RNASE3: variants seen among roughly 807,000 people sequenced by gnomAD.
RNASE3 encodes the protein eosinophil cationic protein.
For missense variants in RNASE3, 192 were observed against 205.3 expected, an observed-to-expected ratio of 0.94 and a Z score of 0.40; for synonymous variants, 66 against 72.0, an observed-to-expected ratio of 0.92 and a Z score of 0.42.
rs760136393 is a variant in RNASE3, at chr14:20,892,038, C to CAGAATATTTCA, written c.354_364dup (p.Asn122ArgfsTer18). ...CTGTGACCTCATAAATCCAGGTGCACAGAATATTTCAAACTGCACGTATGC... is the reference window on the plus strand; with the variant it reads ...CTGTGACCTCATAAATCCAGGTGCACAGAATATTTCAAGAATATTTCAAACTGCACGTATGC... On this transcript the variant is annotated frameshift_variant, in exon 2 of 2. Transcript: ENST00000304639. LOFTEE classifies it low-confidence loss of function (END_TRUNC). 20 of 1,612,616 alleles carry CAGAATATTTCA rather than the reference C, an allele frequency of 1.2e-5. No homozygotes were observed. The Admixed American group carries it at 3.3e-4, about 27-fold the overall frequency.
At position 20,892,074 on chromosome 14, in the gene RNASE3, G is replaced by A. The variant is rs12147890; in HGVS notation, c.388G>A (p.Gly130Arg). Residue 130 changes from glycine (G) to arginine (R), a missense_variant, in exon 2 of 2, where the codon GGA becomes AGA. Physicochemically the swap from Gly to Arg is moderately radical, Grantham distance 125. Transcript: ENST00000304639. Reference sequence around the variant, plus strand: ...AAACTGCACGTATGCAGACAGACCAGGAAGGAGGTTCTATGTAGTTGCATG... The same window carrying A: ...AAACTGCACGTATGCAGACAGACCAAGAAGGAGGTTCTATGTAGTTGCATG... ...ISNCTYADRPGRRFYVVACDN... is the reference protein window; with the variant it reads ...ISNCTYADRPRRRFYVVACDN... 13 of 1,612,458 alleles carry A rather than the reference G, an allele frequency of 8.1e-6. No homozygotes were observed. The highest frequency in any genetic ancestry group is 1.1e-5 in the Non-Finnish European group (13 of 1,180,002).
In RNASE3 at chr14:20,892,036, C is replaced by A. The variant is rs759866259; in HGVS notation, c.350C>A (p.Ala117Glu). 1.9e-6 allele frequency: 3 copies of A among 1,612,762 alleles called. No homozygotes were observed. The Admixed American group carries it at 5.0e-5, about 27-fold the overall frequency. Residue 117 changes from alanine (A) to glutamate (E), a missense_variant, in exon 2 of 2, where the codon GCA (alanine) becomes GAA (glutamate). Transcript: ENST00000304639. ...LLHCDLINPG[A>E]QNISNCTYAD... is the part of the protein sequence containing the mutation. ...CACTGTGACCTCATAAATCCAGGTG[C>A]ACAGAATATTTCAAACTGCACGTAT...
chr14:20,891,392 C>T lies in RNASE3; in HGVS notation c.-65C>T. On this transcript the variant is annotated 5_prime_UTR_variant, in exon 1 of 2. Coordinates refer to ENST00000304639, the MANE Select transcript of RNASE3 (RefSeq NM_002935.3). Reference sequence around the variant, plus strand: ...TTCCAAGTAGGGGAGACCAGCTGCCCCTGAACCCCAGAACAACCAGCTGGA... The same window carrying T: ...TTCCAAGTAGGGGAGACCAGCTGCCTCTGAACCCCAGAACAACCAGCTGGA... 2.3e-6 allele frequency: 1 copy of T among 441,348 alleles called. No homozygotes were observed. The highest frequency in any genetic ancestry group is 4.0e-6 in the Non-Finnish European group (1 of 250,258). The allele number at this position is 441,348 out of a possible 1,614,324, so 27.3% of individuals were successfully genotyped here. A position where few individuals can be genotyped will look rare whatever the true frequency, so the allele number is the denominator to read the frequency against.
chr14:20,891,910 T>C lies in RNASE3; in HGVS notation c.224T>C (p.Phe75Ser). The change falls in exon 2 of 2, where the codon TTT (phenylalanine) becomes TCT (serine). Residue 75 changes from phenylalanine (F) to serine (S), a missense_variant. Physicochemically the swap from Phe to Ser is radical, Grantham distance 155 (BLOSUM62 -2). Coordinates refer to ENST00000304639, the MANE Select transcript of RNASE3 (RefSeq NM_002935.3). The part of the protein sequence containing the change: ...KNQNTFLRTT[F>S]ANVVNVCGNQ... ...CAAAATACTTTTCTTCGTACAACTT[T>C]TGCTAATGTAGTTAATGTTTGTGGT... is the stretch of plus-strand genomic sequence containing the variant. 1.2e-6 allele frequency: 2 copies of C among 1,612,936 alleles called. No homozygotes were observed. The highest frequency in any genetic ancestry group is 1.7e-6 in the Non-Finnish European group (2 of 1,180,038).
chr14:20,892,212 TC>T lies in RNASE3; in HGVS notation c.*45del. On this transcript the variant is annotated 3_prime_UTR_variant, in exon 2 of 2. Coordinates refer to ENST00000304639, the MANE Select transcript of RNASE3 (RefSeq NM_002935.3). ...CCTCATCATCACTCATCTGCCAAGCTCCTCAATCATAGCCAAGATCCCATCC... is the reference window on the plus strand; with the variant it reads ...CCTCATCATCACTCATCTGCCAAGCTCTCAATCATAGCCAAGATCCCATCC... 1 of 1,573,006 alleles carries T rather than the reference TC, an allele frequency of 6.4e-7. No individual in the cohort carries two copies. The highest frequency in any genetic ancestry group is 1.4e-5 in the African/African-American group (1 of 72,474).
Position 20,892,253 on chromosome 14 carries a change from G to A in RNASE3, c.*84G>A. 8 of 1,528,694 alleles carry A rather than the reference G, an allele frequency of 5.2e-6. No homozygotes were observed. Among genetic ancestry groups the A allele is most frequent in the Non-Finnish European group, 7.0e-6 (8 of 1,137,720 alleles). 94.7% of individuals were successfully genotyped at this position (1,528,694 alleles called of 1,614,324 possible). A position where few individuals can be genotyped will look rare whatever the true frequency, so the allele number is the denominator to read the frequency against. On this transcript the variant is annotated 3_prime_UTR_variant, in exon 2 of 2. Coordinates refer to ENST00000304639, the MANE Select transcript of RNASE3 (RefSeq NM_002935.3). ...AGATCCCATCCCTCCATGTACTCTG[G>A]GTATCAGCAACTGTCCTCATCAGTC...
At position 20,892,001 on chromosome 14, in the gene RNASE3, G is replaced by T. The variant is rs1396248752; in HGVS notation, c.315G>T (p.Val105=). 6.2e-7 allele frequency: 1 copy of T among 1,612,944 alleles called. No individual in the cohort carries two copies. Among genetic ancestry groups the T allele is most frequent in the Admixed American group, 1.7e-5 (1 of 59,948 alleles). ...ATTGTCATCGGAGTAGATTCCGGGTGCCTTTACTCCACTGTGACCTCATAA... is the reference window on the plus strand; with the variant it reads ...ATTGTCATCGGAGTAGATTCCGGGTTCCTTTACTCCACTGTGACCTCATAA... ...LNNCHRSRFR[V]PLLHCDLINP... The change falls in exon 2 of 2, where the codon GTG becomes GTT. Residue 105 remains valine, a synonymous_variant. Coordinates refer to ENST00000304639, the MANE Select transcript of RNASE3 (RefSeq NM_002935.3).
In RNASE3 at chr14:20,891,730, T is replaced by C. The variant is rs1272043183; in HGVS notation, c.44T>C (p.Leu15Pro). The C allele has an allele frequency of 1.2e-6, 2 of 1,612,052 alleles. No homozygotes were observed. Among genetic ancestry groups the C allele is most frequent in the East Asian group, 4.5e-5 (2 of 44,868 alleles). ...ACTTCCCAAATTTGTCTGCTTCTTC[T>C]GTTGGGGCTTATGGGTGTGGAGGGC... ...LFTSQICLLLLLGLMGVEGSL... is the reference protein window; with the variant it reads ...LFTSQICLLLPLGLMGVEGSL... Residue 15 changes from leucine to proline, a missense_variant, in exon 2 of 2, where the codon CTG becomes CCG. By Grantham distance (98) the Leu-to-Pro change is moderately conservative (BLOSUM62 -3). Coordinates refer to ENST00000304639, the MANE Select transcript of RNASE3 (RefSeq NM_002935.3).
In RNASE3 at chr14:20,892,018, A is replaced by C; in HGVS notation, c.332A>C (p.Asp111Ala). The C allele has an allele frequency of 1.9e-6, 3 of 1,612,756 alleles. No homozygotes were observed. Among genetic ancestry groups the C allele is most frequent in the Non-Finnish European group, 2.5e-6 (3 of 1,180,002 alleles). ...TTCCGGGTGCCTTTACTCCACTGTG[A>C]CCTCATAAATCCAGGTGCACAGAAT... ...SRFRVPLLHCDLINPGAQNIS... is the reference protein window; with the variant it reads ...SRFRVPLLHCALINPGAQNIS... The change falls in exon 2 of 2, where the codon GAC (aspartate) becomes GCC (alanine). Residue 111 changes from aspartate (D) to alanine (A), a missense_variant. By Grantham distance (126) the Asp-to-Ala change is moderately radical (BLOSUM62 -2). Coordinates refer to ENST00000304639, the MANE Select transcript of RNASE3 (RefSeq NM_002935.3).
Position 20,891,744 on chromosome 14 carries a change from G to C in RNASE3, c.58G>C (p.Gly20Arg). The change falls in exon 2 of 2, where the codon GGT (glycine) becomes CGT (arginine). Residue 20 changes from glycine to arginine, a missense_variant. Transcript: ENST00000304639. ...ICLLLLLGLM[G>R]VEGSLHARPP... is the part of the protein sequence containing the mutation. The stretch of plus-strand genomic sequence containing the variant: ...TCTGCTTCTTCTGTTGGGGCTTATG[G>C]GTGTGGAGGGCTCACTCCATGCCAG... The C allele has an allele frequency of 1.2e-6, 2 of 1,612,520 alleles. No homozygotes were observed. The highest frequency in any genetic ancestry group is 2.2e-5 in the South Asian group (2 of 91,050).
intron 1 of RNASE3, 57 bp from the exon 2 acceptor site, chr14:20,891,625 A>G (rs566257690): frequency 6.4e-7 from 1 of 1,554,104 alleles, no homozygotes; most frequent in Admixed American, 2.0e-5. Context: ...GACACTATAG[A>G]GTGTGTCATA....
In RNASE3 at chr14:20,892,073, A is replaced by C. The variant is rs553630492; in HGVS notation, c.387A>C (p.Pro129=). Residue 129 remains proline (P), a synonymous_variant, in exon 2 of 2, where the codon CCA becomes CCC. Transcript: ENST00000304639. The stretch of plus-strand genomic sequence containing the variant: ...CAAACTGCACGTATGCAGACAGACC[A>C]GGAAGGAGGTTCTATGTAGTTGCAT... ...NISNCTYADR[P]GRRFYVVACD... is the part of the protein sequence containing the mutation. 293 of 1,612,602 alleles carry C rather than the reference A, an allele frequency of 1.8e-4. 3 individuals carry two copies. In the South Asian group the frequency reaches 3.0e-3, roughly 17 times the overall value.
rs1877584769 is a variant in RNASE3, at chr14:20,892,222, T to C, written c.*53T>C. On this transcript the variant is annotated 3_prime_UTR_variant, in exon 2 of 2. Transcript: ENST00000304639. The stretch of plus-strand genomic sequence containing the variant: ...ACTCATCTGCCAAGCTCCTCAATCA[T>C]AGCCAAGATCCCATCCCTCCATGTA... 6.4e-7 allele frequency: 1 copy of C among 1,567,088 alleles called. No individual in the cohort carries two copies. Among genetic ancestry groups the C allele is most frequent in the Non-Finnish European group, 8.6e-7 (1 of 1,159,034 alleles).
At position 20,891,963 on chromosome 14, in the gene RNASE3, A is replaced by G; in HGVS notation, c.277A>G (p.Arg93Gly). ...CCAAAGTATACGCTGCCCTCATAAC[A>G]GAACTCTCAACAATTGTCATCGGAG... is the stretch of plus-strand genomic sequence containing the variant. ...GNQSIRCPHN[R>G]TLNNCHRSRF... The change falls in exon 2 of 2, where the codon AGA becomes GGA. Residue 93 changes from arginine (R) to glycine (G), a missense_variant. Physicochemically the swap from Arg to Gly is moderately radical, Grantham distance 125 (BLOSUM62 -2). Transcript: ENST00000304639. 6.2e-7 allele frequency: 1 copy of G among 1,613,054 alleles called. No homozygotes were observed. Among genetic ancestry groups the G allele is most frequent in the Non-Finnish European group, 8.5e-7 (1 of 1,180,036 alleles).
rs775879390 is a variant in RNASE3, at chr14:20,891,745, G to C, written c.59G>C (p.Gly20Ala). Residue 20 changes from glycine to alanine, a missense_variant, in exon 2 of 2, where the codon GGT (glycine) becomes GCT (alanine). Physicochemically the swap from Gly to Ala is moderately conservative, Grantham distance 60. Transcript: ENST00000304639. ...ICLLLLLGLM[G>A]VEGSLHARPP... is the part of the protein sequence containing the mutation. ...CTGCTTCTTCTGTTGGGGCTTATGGGTGTGGAGGGCTCACTCCATGCCAGA... is the reference window on the plus strand; with the variant it reads ...CTGCTTCTTCTGTTGGGGCTTATGGCTGTGGAGGGCTCACTCCATGCCAGA... 2.2e-5 allele frequency: 36 copies of C among 1,612,490 alleles called. No homozygotes were observed. Among genetic ancestry groups the C allele is most frequent in the South Asian group, 2.0e-4 (18 of 91,058 alleles).
intron 1 of RNASE3, 83 bp from the exon 2 acceptor site, chr14:20,891,599 G>T: frequency 6.6e-7 from 1 of 1,508,508 alleles, no homozygotes; most frequent in South Asian, 1.3e-5. Flanking sequence ...TGGCAGCAGA[G>T]GGGCCTGTGG....
chr14:20,892,081 G>A lies in RNASE3; in HGVS notation c.395G>A (p.Arg132Lys), dbSNP rs555403976. The change falls in exon 2 of 2, where the codon AGG becomes AAG. Residue 132 changes from arginine to lysine, a missense_variant. Physicochemically the swap from Arg to Lys is conservative, Grantham distance 26. Transcript: ENST00000304639. ...NCTYADRPGR[R>K]FYVVACDNRD... ...ACGTATGCAGACAGACCAGGAAGGA[G>A]GTTCTATGTAGTTGCATGTGACAAC... 1.9e-6 allele frequency: 3 copies of A among 1,612,560 alleles called. No homozygotes were observed. Among genetic ancestry groups the A allele is most frequent in the South Asian group, 2.2e-5 (2 of 91,048 alleles).
rs1373926838 is a variant in RNASE3, at chr14:20,891,885, CA to C, written c.203del (p.Asn68IlefsTer11). ...CAATTATCGATGGCGTTGCAAAAAC[CA>C]AAATACTTTTCTTCGTACAACTTTT... The part of the protein sequence containing the change: ...INNYRWRCKN[Q>X]NTFLRTTFAN... On this transcript the variant is annotated frameshift_variant, in exon 2 of 2. Coordinates refer to ENST00000304639, the MANE Select transcript of RNASE3 (RefSeq NM_002935.3). LOFTEE classifies it low-confidence loss of function (END_TRUNC). The C allele has an allele frequency of 6.2e-7, 1 of 1,612,714 alleles. No homozygotes were observed. The highest frequency in any genetic ancestry group is 1.4e-5 in the African/African-American group (1 of 73,694).
rs1336938497 is a variant in RNASE3, at chr14:20,892,133, T to G, written c.447T>G (p.Tyr149Ter). 5 of 1,612,098 alleles carry G rather than the reference T, an allele frequency of 3.1e-6. No individual in the cohort carries two copies. The highest frequency in any genetic ancestry group is 4.2e-6 in the Non-Finnish European group (5 of 1,179,798). The change falls in exon 2 of 2, where the codon TAT becomes TAG. Residue 149 changes from tyrosine (Y) to a stop codon, truncating the protein, a stop_gained. Coordinates refer to ENST00000304639, the MANE Select transcript of RNASE3 (RefSeq NM_002935.3). LOFTEE classifies it high-confidence loss of function. ...DNRDPRDSPR[Y>*]PVVPVHLDTT... ...GAGATCCACGGGATTCTCCACGGTA[T>G]CCTGTGGTTCCAGTTCACCTGGATA...
Sources: allele counts gnomAD v4.1 joint callset, GRCh38; gene constraint gnomAD v4.1.1; transcripts MANE v1.5; gene names NCBI Gene and HGNC (gene_info 2026-07-23, HGNC 2026-07-21).